ADARB1: variants seen among roughly 807,000 people sequenced by gnomAD.
The protein encoded by ADARB1 is adenosine deaminase RNA specific B1, also known as double-stranded RNA-specific editase 1.
ADARB1 carries 10 observed loss-of-function variants against 52.4 expected under a neutral mutation model. That is an observed-to-expected ratio of 0.19 (90% CI 0.12 to 0.32). ADARB1 has a LOEUF of 0.32. ADARB1 is among the 10% of genes least tolerant of loss of function. The pLI is 1.00. For missense variants in ADARB1, 643 were observed against 922.3 expected, an observed-to-expected ratio of 0.70 and a Z score of 3.92; for synonymous variants, 349 against 371.1, an observed-to-expected ratio of 0.94 and a Z score of 0.68.
At chr21:45,198,508 CACACACACACACAT>C (rs534621459) in intron 8 of ADARB1, among the ~76,000 whole-genome samples, 194 of 151,952 alleles carry the variant, frequency 1.3e-3, no homozygotes, top group African/African-American at 4.4e-3. Flanking sequence ...CACACACACA[CACACACACACACAT>C]ACACACACAC....
chr21:45,083,306 G>GC (rs1568991422), intron 1 of ADARB1, among the ~76,000 whole-genome samples: 1 of 152,042 alleles, frequency 6.6e-6, no homozygotes, highest in Non-Finnish European at 1.5e-5. Context: ...TCCCTACACT[G>GC]CCCCCCCATC....
At chr21:45,193,082 C>T (rs2092342120) in intron 8 of ADARB1, among the ~76,000 whole-genome samples, 2 of 152,306 alleles carry the variant, frequency 1.3e-5, no homozygotes, top group African/African-American at 4.8e-5. Context: ...CTTCCCAACT[C>T]ATTCTGTGAG....
At chr21:45,186,850 C>G (rs2092123975) in intron 8 of ADARB1, among the ~76,000 whole-genome samples, 1 of 152,116 alleles carries the variant, frequency 6.6e-6, no homozygotes, top group Non-Finnish European at 1.5e-5. Flanking sequence ...AACATATACA[C>G]AAGGGTTTAT....
intron 1 of ADARB1, among the ~76,000 whole-genome samples, chr21:45,089,264 A>T (rs528607089): frequency 3.9e-5 from 6 of 152,236 alleles, no homozygotes; most frequent in African/African-American, 2.4e-5. Context: ...GGAGAAGGAC[A>T]TAGGGGAATT....
At chr21:45,087,733 G>T (rs1226611250) in intron 1 of ADARB1, among the ~76,000 whole-genome samples, 1 of 152,170 alleles carries the variant, frequency 6.6e-6, no homozygotes, top group Non-Finnish European at 1.5e-5. Context: ...CCAGGATGTG[G>T]GGGACCCAAA....
In ADARB1 at chr21:45,170,233, C is replaced by T. The variant is rs776675901; in HGVS notation, c.-47-1377C>T. On this transcript the variant is annotated intron_variant, in intron 2 of 10. Transcript: ENST00000348831. ...GATATTGTCCTTTCATTTGTAAATA[C>T]TTCAGTATATGTCACTAAAAGAGAA... is the stretch of plus-strand genomic sequence containing the variant. Among the ~76,000 whole-genome samples the T allele has an allele frequency of 7.2e-4, 110 of 152,310 alleles. No individual in the cohort carries two copies. The Middle Eastern group carries it at 0.014, about 19-fold the overall frequency.
intron 5 of ADARB1, among the ~76,000 whole-genome samples, chr21:45,181,784 A>G (rs6518214): frequency 1.3e-5 from 2 of 152,096 alleles, no homozygotes; most frequent in African/African-American, 4.8e-5. Flanking sequence ...GGTTGAGTGG[A>G]CTTGGGCAGG....
intron 1 of ADARB1, among the ~76,000 whole-genome samples, chr21:45,116,319 C>G (rs950629333): frequency 1.3e-5 from 2 of 152,270 alleles, no homozygotes; most frequent in African/African-American, 4.8e-5. Context: ...CGTGCCTTCC[C>G]TTGCCTCGGC....
In ADARB1 at chr21:45,176,491, G is replaced by A. The variant is rs1321705203; in HGVS notation, c.790G>A (p.Val264Ile). 5.6e-6 allele frequency: 9 copies of A among 1,614,146 alleles called. No homozygotes were observed. The highest frequency in any genetic ancestry group is 1.7e-5 in the Admixed American group (1 of 60,028). ...CGGGGAGAGCCATGCCAAGAGCTTC[G>A]TCATGTCTGTGGTCGTGGATGGTCA... ...ESGESHAKSF[V>I]MSVVVDGQFF... The change falls in exon 4 of 11, where the codon GTC becomes ATC. Residue 264 changes from valine to isoleucine, a missense_variant. Physicochemically the swap from Val to Ile is conservative, Grantham distance 29. This residue lies in a region of ADARB1 where 380 missense variants were observed against 446.5 expected (regional missense o/e 0.85). Coordinates refer to ENST00000348831, the MANE Select transcript of ADARB1 (RefSeq NM_001112.4). This position sits in a 1 kb window ranked among gnomAD's most constrained non-coding sequence, Gnocchi z 5.8.
At chr21:45,122,084 C>G (rs1254856058) in intron 1 of ADARB1, among the ~76,000 whole-genome samples, 1 of 152,214 alleles carries the variant, frequency 6.6e-6, no homozygotes, top group Non-Finnish European at 1.5e-5. Context: ...TGCCTCTGTA[C>G]TTGCTGCAGT....
chr21:45,077,146 GTTA>G (rs538291367), intron 1 of ADARB1, among the ~76,000 whole-genome samples: 43 of 152,300 alleles, frequency 2.8e-4, no homozygotes, highest in Admixed American at 2.4e-3. Context: ...CTACTAATTA[GTTA>G]TTATCAAAAT....
intron 1 of ADARB1, among the ~76,000 whole-genome samples, chr21:45,119,931 C>T (rs541820591): frequency 2.1e-4 from 32 of 152,298 alleles, no homozygotes; most frequent in Non-Finnish European, 3.2e-4. Flanking sequence ...TCATTGGTAA[C>T]GCACGAAATG....
At chr21:45,186,796 C>T (rs2092121197) in intron 8 of ADARB1, among the ~76,000 whole-genome samples, 1 of 152,032 alleles carries the variant, frequency 6.6e-6, no homozygotes. Context: ...TTTTGCAAGT[C>T]CTTTCCCCTT....
At position 45,208,250 on chromosome 21, in the gene ADARB1, G is replaced by A. The variant is rs2092702007; in HGVS notation, c.1747+3514G>A. 6.6e-6 allele frequency among the ~76,000 whole-genome samples: 1 copy of A among 152,246 alleles called. No homozygotes were observed. The highest frequency in any genetic ancestry group is 2.4e-5 in the African/African-American group (1 of 41,464). On this transcript the variant is annotated intron_variant, in intron 9 of 10. Coordinates refer to ENST00000348831, the MANE Select transcript of ADARB1 (RefSeq NM_001112.4). This position sits in a 1 kb window ranked among gnomAD's most constrained non-coding sequence, Gnocchi z 5.6. Reference sequence around the variant, plus strand: ...GGAGCAGGGTGCCCAAATGCCGCATGCGATGGCTCTGGGGACCTTGTTGAC... The same window carrying A: ...GGAGCAGGGTGCCCAAATGCCGCATACGATGGCTCTGGGGACCTTGTTGAC...
Position 45,223,776 on chromosome 21 carries a change from G to A in ADARB1, c.*1579G>A. The A allele has an allele frequency of 1.0e-6, 1 of 985,476 alleles. No individual in the cohort carries two copies. Among genetic ancestry groups the A allele is most frequent in the South Asian group, 4.7e-5 (1 of 21,286 alleles). 61.0% of individuals were successfully genotyped at this position (985,476 alleles called of 1,614,324 possible). On this transcript the variant is annotated 3_prime_UTR_variant, in exon 11 of 11. Coordinates refer to ENST00000348831, the MANE Select transcript of ADARB1 (RefSeq NM_001112.4). The stretch of plus-strand genomic sequence containing the variant: ...AAACTGAAACACCGTGGCTTCGGCG[G>A]GGGGTGTGCCTCCTGATGTCAGGAG...
chr21:45,166,643 T>C (rs2091265343), intron 2 of ADARB1, among the ~76,000 whole-genome samples: 1 of 152,228 alleles, frequency 6.6e-6, no homozygotes, highest in African/African-American at 2.4e-5. Flanking sequence ...TTCAGAGTTT[T>C]CCTGAGTATT....
chr21:45,184,513 A>G (rs1032465928), intron 7 of ADARB1: 3 of 336,274 alleles, frequency 8.9e-6, no homozygotes, highest in Non-Finnish European at 1.2e-5. Flanking sequence ...CAGTGGTGCA[A>G]TCATGGCTCA....
At chr21:45,184,149 G>A (rs1037439570) in intron 7 of ADARB1, among the ~76,000 whole-genome samples, 1 of 152,172 alleles carries the variant, frequency 6.6e-6, no homozygotes, top group Non-Finnish European at 1.5e-5. Context: ...CCGTATTCCT[G>A]TAACCCAGAA....
At chr21:45,164,088 G>T (rs538424864) in intron 2 of ADARB1, among the ~76,000 whole-genome samples, 4 of 152,298 alleles carry the variant, frequency 2.6e-5, no homozygotes, top group African/African-American at 9.6e-5. Flanking sequence ...TTTCCTTCTG[G>T]TGAAGACCAA....
Sources: allele counts gnomAD v4.1 joint callset (sites outside exome capture counted in the v4.1 genomes callset), GRCh38; gene constraint gnomAD v4.1.1; regional missense constraint gnomAD v4.1.1; non-coding constraint Gnocchi (gnomAD v3.1); transcripts MANE v1.5; gene names NCBI Gene and HGNC (gene_info 2026-07-23, HGNC 2026-07-21).